The following HIVEP2 variants were observed in gnomAD, a reference collection of about 807,000 sequenced individuals.
HIVEP2 encodes the protein HIVEP zinc finger 2, also known as transcription factor HIVEP2.
In HIVEP2, 14 loss-of-function variants were observed where a neutral mutation model predicts 180.7. The ratio of observed to expected loss-of-function variants is 0.08; its 90% CI spans 0.05 to 0.12. The LOEUF (loss-of-function observed/expected upper bound fraction) is 0.12. HIVEP2 is among the 10% of genes least tolerant of loss of function. HIVEP2 has a pLI of 1.00. For missense variants in HIVEP2, 2,579 were observed against 3,008.5 expected (o/e 0.86, Z 3.34); for synonymous variants, 1,184 against 1,136.4 (o/e 1.04, Z -0.84).
intron 6 of HIVEP2, among the ~76,000 whole-genome samples, chr6:142,767,197 C>T (rs1775399639): frequency 2.0e-5 from 3 of 152,166 alleles, no homozygotes; most frequent in Non-Finnish European, 4.4e-5. Flanking sequence ...ATGAAGGCTG[C>T]TGAATGTGAG....
intron 1 of HIVEP2, among the ~76,000 whole-genome samples, chr6:142,859,543 G>A (rs145809068): frequency 3.3e-5 from 5 of 151,502 alleles, no homozygotes; most frequent in African/African-American, 2.4e-5. Context: ...AACTTAAAAC[G>A]ATAAATGAGG....
chr6:142,816,104 T>C (rs1030681204), intron 2 of HIVEP2, among the ~76,000 whole-genome samples: 2 of 152,208 alleles, frequency 1.3e-5, no homozygotes, highest in African/African-American at 4.8e-5. Context: ...ACATTTATAA[T>C]AGTAGTACAT....
intron 2 of HIVEP2, among the ~76,000 whole-genome samples, chr6:142,828,560 C>T (rs1233644319): frequency 6.6e-6 from 1 of 152,044 alleles, no homozygotes; most frequent in Non-Finnish European, 1.5e-5. Flanking sequence ...CCTCAGCCTC[C>T]CCAGTAGCTG....
At position 142,912,689 on chromosome 6, in the gene HIVEP2, C is replaced by T. The variant is rs543695467; in HGVS notation, c.-641+32410G>A. 3.2e-4 allele frequency among the ~76,000 whole-genome samples: 49 copies of T among 152,316 alleles called. 1 individual carries two copies. The South Asian group carries it at 8.5e-3, about 26-fold the overall frequency. Reference sequence around the variant, plus strand: ...TAGGAGCGTGAAACCGACTGTGAACCGCGCATGCGAGGGATCTAGGTTGCA... The same window carrying T: ...TAGGAGCGTGAAACCGACTGTGAACTGCGCATGCGAGGGATCTAGGTTGCA... On this transcript the variant is annotated intron_variant, in intron 1 of 9. Transcript: ENST00000367603.
At chr6:142,907,744 G>A (rs955165875) in intron 1 of HIVEP2, among the ~76,000 whole-genome samples, 33 of 152,238 alleles carry the variant, frequency 2.2e-4, no homozygotes, top group African/African-American at 6.7e-4. Flanking sequence ...GAGGACCTGC[G>A]CTCAGGACCA....
At chr6:142,834,796 G>A (rs1358471615) in intron 2 of HIVEP2, among the ~76,000 whole-genome samples, 2 of 151,944 alleles carry the variant, frequency 1.3e-5, no homozygotes, top group African/African-American at 4.8e-5. Flanking sequence ...GAGGAGTTGG[G>A]CACATTTTTA....
chr6:142,771,153 T>C lies in HIVEP2; in HGVS notation c.3586A>G (p.Ile1196Val). ...GCATTCTGGATTGGAGAAAATGGAA[T>C]TGTCTCTTGATGTGGAAATAAGTGT... ...QPHLFPHQET[I>V]PFSPIQNALF... is the part of the protein sequence containing the mutation. The change falls in exon 5 of 10, where the codon ATT becomes GTT. Residue 1196 changes from isoleucine (I) to valine (V), a missense_variant. Physicochemically the swap from Ile to Val is conservative, Grantham distance 29. This residue lies in a region of HIVEP2 where 523 missense variants were observed against 577.0 expected (regional missense o/e 0.91). Coordinates refer to ENST00000367603, the MANE Select transcript of HIVEP2 (RefSeq NM_006734.4). This position sits in a 1 kb window ranked among gnomAD's most constrained non-coding sequence, Gnocchi z 5.4. The C allele has an allele frequency of 6.2e-7, 1 of 1,614,180 alleles. No individual in the cohort carries two copies. The highest frequency in any genetic ancestry group is 8.5e-7 in the Non-Finnish European group (1 of 1,180,014).
intron 2 of HIVEP2, among the ~76,000 whole-genome samples, chr6:142,834,379 G>T (rs958128649): frequency 2.6e-5 from 4 of 152,102 alleles, no homozygotes; most frequent in African/African-American, 9.7e-5. Context: ...AGTAATAATT[G>T]TATAATTATC....
intron 1 of HIVEP2, among the ~76,000 whole-genome samples, chr6:142,845,886 AAG>A (rs1162217392): frequency 2.0e-5 from 3 of 152,224 alleles, no homozygotes; most frequent in African/African-American, 7.2e-5. Flanking sequence ...CAGACACCAA[AAG>A]AGAGCACAGC....
chr6:142,931,888 C>T (rs1777950560), intron 1 of HIVEP2, among the ~76,000 whole-genome samples: 1 of 152,124 alleles, frequency 6.6e-6, no homozygotes, highest in South Asian at 2.1e-4. Flanking sequence ...GACCATATAT[C>T]CCTATCTTCC....
At position 142,768,320 on chromosome 6, in the gene HIVEP2, A is replaced by T; in HGVS notation, c.5342+62T>A. 4 of 1,477,888 alleles carry T rather than the reference A, an allele frequency of 2.7e-6. No homozygotes were observed. In the South Asian group the frequency reaches 3.7e-5, roughly 14 times the overall value. 91.5% of individuals were successfully genotyped at this position (1,477,888 alleles called of 1,614,324 possible). On this transcript the variant is annotated intron_variant, in intron 6 of 9. Transcript: ENST00000367603. The stretch of plus-strand genomic sequence containing the variant: ...TAGACAGTACCTTTTCCATGCAGAC[A>T]TTCTGGACCATTTACTCTGACCTAT...
chr6:142,818,736 A>AAG lies in HIVEP2; in HGVS notation c.-528+18198_-528+18199insCT, dbSNP rs1776929239. ...GAAAGAAAGAAAAGAAAGAAAGAAA[A>AAG]GAAAGAAAGAAAGAAAGAAAGAAAG... On this transcript the variant is annotated intron_variant, in intron 2 of 9. Transcript: ENST00000367603. Among the ~76,000 whole-genome samples, 67 of 86,010 alleles carry AAG rather than the reference A, an allele frequency of 7.8e-4. 1 individual carries two copies. Among genetic ancestry groups the AAG allele is most frequent in the African/African-American group, 2.7e-3 (64 of 23,780 alleles). 56.4% of individuals were successfully genotyped at this position (86,010 alleles called of 152,430 possible).
At chr6:142,903,479 T>C (rs1459484800) in intron 1 of HIVEP2, among the ~76,000 whole-genome samples, 2 of 152,202 alleles carry the variant, frequency 1.3e-5, no homozygotes, top group African/African-American at 4.8e-5. Context: ...GTACTTGGAG[T>C]ACAATCATTT....
intron 1 of HIVEP2, among the ~76,000 whole-genome samples, chr6:142,901,269 A>C (rs1777127193): frequency 6.6e-6 from 1 of 152,238 alleles, no homozygotes; most frequent in African/African-American, 2.4e-5. Flanking sequence ...AGTACAAATC[A>C]ATTCATAGCT....
At position 142,943,723 on chromosome 6, in the gene HIVEP2, G is replaced by A. The variant is rs1351612488; in HGVS notation, c.-641+1376C>T. On this transcript the variant is annotated intron_variant, in intron 1 of 9. Transcript: ENST00000367603. The surrounding 1 kb of genome is among the most constrained non-coding windows in gnomAD (Gnocchi z 4.5). ...GCTCAAATTTTCCATTATAATGAAA[G>A]TACAGGAAACAAGCCTTTCTATATT... Among the ~76,000 whole-genome samples, 2 of 152,156 alleles carry A rather than the reference G, an allele frequency of 1.3e-5. No individual in the cohort carries two copies. Among genetic ancestry groups the A allele is most frequent in the African/African-American group, 4.8e-5 (2 of 41,430 alleles).
chr6:142,795,245 G>A (rs1389383180), intron 2 of HIVEP2, among the ~76,000 whole-genome samples: 2 of 152,096 alleles, frequency 1.3e-5, no homozygotes, highest in Non-Finnish European at 2.9e-5. Context: ...CTGCAGGCCT[G>A]TGAATGGTCT....
chr6:142,765,050 T>G (rs1181762622), intron 6 of HIVEP2, 76 bp from the exon 7 acceptor site: 8 of 1,368,296 alleles, frequency 5.8e-6, no homozygotes, highest in Non-Finnish European at 7.9e-6. Flanking sequence ...AAGCTAATTA[T>G]TTGCACGGCA....
intron 1 of HIVEP2, among the ~76,000 whole-genome samples, chr6:142,873,074 A>ATGTG: frequency 6.6e-6 from 1 of 152,186 alleles, no homozygotes; most frequent in Non-Finnish European, 1.5e-5. Context: ...CTAAAGCATT[A>ATGTG]CACAGCAACC....
At chr6:142,869,220 T>C (rs1171066621) in intron 1 of HIVEP2, among the ~76,000 whole-genome samples, 1 of 152,158 alleles carries the variant, frequency 6.6e-6, no homozygotes, top group African/African-American at 2.4e-5. Context: ...GGTTGAGAAA[T>C]CCTGGCCTAG....
Sources: allele counts gnomAD v4.1 joint callset (sites outside exome capture counted in the v4.1 genomes callset), GRCh38; gene constraint gnomAD v4.1.1; regional missense constraint gnomAD v4.1.1; non-coding constraint Gnocchi (gnomAD v3.1); transcripts MANE v1.5; gene names NCBI Gene and HGNC (gene_info 2026-07-23, HGNC 2026-07-21).